Variants in LRRC4C observed in about 807,000 individuals in gnomAD.
LRRC4C encodes the protein leucine rich repeat containing 4C.
A neutral mutation model predicts 33.6 loss-of-function variants in LRRC4C; 5 were observed. That is an observed-to-expected ratio of 0.15 (90% CI 0.08 to 0.31). The LOEUF (loss-of-function observed/expected upper bound fraction) is 0.31, where lower values mean the gene tolerates loss of function less well. LRRC4C is among the 10% of genes least tolerant of loss of function. The probability of loss-of-function intolerance (pLI) is 1.00; values close to 1 mark genes in which losing one functional copy is unlikely to be tolerated. For missense variants in LRRC4C, 560 were observed against 796.7 expected, an observed-to-expected ratio of 0.70 and a Z score of 3.58; for synonymous variants, 329 against 302.0, an observed-to-expected ratio of 1.09 and a Z score of -0.93.
At chr11:40,924,950 T>A (rs562683254) in intron 2 of LRRC4C, among the ~76,000 whole-genome samples, 1 of 152,266 alleles carries the variant, frequency 6.6e-6, no homozygotes, top group East Asian at 1.9e-4. Context: ...TCATTACACA[T>A]CATTTTTGAA....
intron 1 of LRRC4C, among the ~76,000 whole-genome samples, chr11:41,052,799 A>G (rs1858335688): frequency 6.6e-6 from 1 of 152,070 alleles, no homozygotes; most frequent in South Asian, 2.1e-4. Flanking sequence ...TGGGTATTTG[A>G]TCATTCTTCA....
chr11:40,349,613 G>A (rs981430447), intron 3 of LRRC4C, among the ~76,000 whole-genome samples: 1 of 152,010 alleles, frequency 6.6e-6, no homozygotes, highest in Non-Finnish European at 1.5e-5. Context: ...TGGATTATAC[G>A]ATAGTTCTAT....
At chr11:40,952,867 C>A in intron 1 of LRRC4C, among the ~76,000 whole-genome samples, 1 of 102,894 alleles carries the variant, frequency 9.7e-6, no homozygotes, top group South Asian at 4.5e-4. Context: ...CACACACACA[C>A]ACACACACAC....
rs188924866 is a variant in LRRC4C, at chr11:40,685,991, A to G, written c.-406-37713T>C. Among the ~76,000 whole-genome samples, 460 of 152,082 alleles carry G rather than the reference A, an allele frequency of 3.0e-3. 3 individuals carry two copies. The highest frequency in any genetic ancestry group is 0.011 in the African/African-American group (439 of 41,508). On this transcript the variant is annotated intron_variant, in intron 2 of 6. Coordinates refer to ENST00000528697, the MANE Select transcript of LRRC4C (RefSeq NM_001258419.2). The stretch of plus-strand genomic sequence containing the variant: ...AAAAAAAAAGATCAAGAAATTCAGG[A>G]TGGGACATTGTGAAGAAGATATCCC...
intron 1 of LRRC4C, among the ~76,000 whole-genome samples, chr11:41,342,865 C>G (rs2137486472): frequency 6.6e-6 from 1 of 152,296 alleles, no homozygotes; most frequent in East Asian, 1.9e-4. Context: ...CGTATTCTCT[C>G]AAAGTTCTGG....
chr11:40,855,001 G>A (rs1392890157), intron 2 of LRRC4C, among the ~76,000 whole-genome samples: 1 of 152,094 alleles, frequency 6.6e-6, no homozygotes, highest in East Asian at 1.9e-4. Context: ...CGCTAAAGTT[G>A]AGGTTGTAAT....
At chr11:41,396,442 C>T (rs1591426209) in intron 1 of LRRC4C, among the ~76,000 whole-genome samples, 3 of 151,840 alleles carry the variant, frequency 2.0e-5, no homozygotes, top group Admixed American at 2.0e-4. Context: ...GCCTATATTT[C>T]ATGTATTCTT....
At chr11:40,391,511 T>G (rs909682701) in intron 3 of LRRC4C, among the ~76,000 whole-genome samples, 1 of 152,192 alleles carries the variant, frequency 6.6e-6, no homozygotes, top group African/African-American at 2.4e-5. Context: ...TGAGATGAGA[T>G]GAAGGGATTG....
At chr11:40,496,577 G>C (rs1954470499) in intron 3 of LRRC4C, among the ~76,000 whole-genome samples, 1 of 152,030 alleles carries the variant, frequency 6.6e-6, no homozygotes, top group Non-Finnish European at 1.5e-5. Context: ...TTAAGACTCA[G>C]AGGGAAAATA....
intron 1 of LRRC4C, among the ~76,000 whole-genome samples, chr11:41,170,268 T>C (rs914125234): frequency 6.6e-6 from 1 of 152,152 alleles, no homozygotes; most frequent in Admixed American, 6.6e-5. Context: ...AAAGTTCATA[T>C]GGAACCAAAA....
chr11:41,361,921 T>C (rs765765410), intron 1 of LRRC4C, among the ~76,000 whole-genome samples: 8 of 152,190 alleles, frequency 5.3e-5, no homozygotes, highest in African/African-American at 2.4e-5. Context: ...GTAAAATAGC[T>C]TTCATTGACA....
intron 3 of LRRC4C, among the ~76,000 whole-genome samples, chr11:40,583,742 T>G (rs1958580007): frequency 6.6e-6 from 1 of 152,038 alleles, no homozygotes; most frequent in Non-Finnish European, 1.5e-5. Context: ...TGTAGTACAT[T>G]TATTTCCCTC....
intron 2 of LRRC4C, among the ~76,000 whole-genome samples, chr11:40,854,738 A>G (rs1953694630): frequency 3.3e-5 from 5 of 150,934 alleles, no homozygotes; most frequent in Admixed American, 1.3e-4. Flanking sequence ...TATTTTATGT[A>G]CATAGAGTAC....
At chr11:41,059,337 A>C (rs355257) in intron 1 of LRRC4C, among the ~76,000 whole-genome samples, 48,092 of 151,136 alleles carry the variant, frequency 0.32, 7,921 homozygotes, top group Admixed American at 0.38. Context: ...AAGATGAGAA[A>C]GATAAACACA....
chr11:40,769,561 A>G (rs1399248758), intron 2 of LRRC4C, among the ~76,000 whole-genome samples: 1 of 152,192 alleles, frequency 6.6e-6, no homozygotes, highest in African/African-American at 2.4e-5. Context: ...GAGGAATCAC[A>G]TCACCTTATC....
intron 1 of LRRC4C, among the ~76,000 whole-genome samples, chr11:41,107,959 AGGG>A (rs1565390569): frequency 4.9e-5 from 7 of 143,958 alleles, no homozygotes; most frequent in African/African-American, 1.8e-4. Context: ...AGAGAAGAGA[AGGG>A]AGAGGGGAGA....
intron 1 of LRRC4C, among the ~76,000 whole-genome samples, chr11:41,187,975 A>G (rs1945770338): frequency 6.6e-6 from 1 of 152,212 alleles, no homozygotes; most frequent in Non-Finnish European, 1.5e-5. Flanking sequence ...GTTTACATAC[A>G]TAATAAGTGG....
intron 1 of LRRC4C, among the ~76,000 whole-genome samples, chr11:41,409,829 C>A (rs548026980): frequency 1.3e-5 from 2 of 151,670 alleles, no homozygotes; most frequent in African/African-American, 4.8e-5. Context: ...CAAAAAATTG[C>A]GAAAAAAAAT....
chr11:41,290,705 T>C (rs1267706671), intron 1 of LRRC4C, among the ~76,000 whole-genome samples: 1 of 152,200 alleles, frequency 6.6e-6, no homozygotes, highest in Non-Finnish European at 1.5e-5. Context: ...CCCCTCATTC[T>C]ACCCTATTAG....
Sources: gnomAD v4.1 joint callset for allele counts (sites outside exome capture counted in the v4.1 genomes callset) on GRCh38, gnomAD v4.1.1 for gene constraint, MANE v1.5 for transcripts, NCBI Gene and HGNC (gene_info 2026-07-23, HGNC 2026-07-21) for gene names.